The following ADAM22 variants were observed in gnomAD, a reference collection of about 807,000 sequenced individuals.
ADAM22 encodes the protein ADAM metallopeptidase domain 22, also known as disintegrin and metalloproteinase domain-containing protein 22.
ADAM22 carries 65 observed loss-of-function variants against 144.6 expected under a neutral mutation model. The observed-to-expected ratio is 0.45, with a 90% CI of 0.37 to 0.55. The LOEUF (loss-of-function observed/expected upper bound fraction) is 0.55, where lower values mean the gene tolerates loss of function less well. Among genes scored for constraint, ADAM22 ranks in the 20% least tolerant of loss-of-function variants. ADAM22 has a pLI of 0.00. For synonymous variants in ADAM22, 391 were observed against 412.6 expected (o/e 0.95, Z 0.63); for missense variants, 974 against 1,184.9 (o/e 0.82, Z 2.61).
chr7:88,133,038 C>A (rs1832176785), intron 12 of ADAM22, 87 bp downstream of exon 12: 1 of 1,197,072 alleles, frequency 8.4e-7, no homozygotes, highest in African/African-American at 1.5e-5. Context: ...TCAGTATTCA[C>A]ATACTCCAGA....
At chr7:88,010,047 TA>T (rs1279047889) in intron 3 of ADAM22, among the ~76,000 whole-genome samples, 1 of 151,644 alleles carries the variant, frequency 6.6e-6, no homozygotes, top group African/African-American at 2.4e-5. Context: ...TTTTCAAATA[TA>T]AATAGAACCA....
intron 5 of ADAM22, among the ~76,000 whole-genome samples, 179 bp from the exon 6 acceptor site, chr7:88,114,405 A>G (rs557481757): frequency 1.3e-5 from 2 of 152,212 alleles, no homozygotes; most frequent in East Asian, 3.9e-4. Flanking sequence ...CCTATAAGGA[A>G]TCAGAAGGAG....
chr7:88,001,926 C>T (rs1792656373), intron 3 of ADAM22, among the ~76,000 whole-genome samples: 1 of 151,882 alleles, frequency 6.6e-6, no homozygotes, highest in Non-Finnish European at 1.5e-5. Flanking sequence ...TTACTAGTTA[C>T]ATAACCATGG....
intron 2 of ADAM22, among the ~76,000 whole-genome samples, chr7:87,952,312 T>C (rs1374743812): frequency 6.6e-6 from 1 of 151,824 alleles, no homozygotes; most frequent in African/African-American, 2.4e-5. Context: ...TTGAGATACG[T>C]CCCATCAATA....
In ADAM22 at chr7:87,935,014, T is replaced by C. The variant is rs142817572; in HGVS notation, c.86-12T>C. On this transcript the variant is annotated splice_polypyrimidine_tract_variant and intron_variant, in intron 1 of 31. Coordinates refer to ENST00000413139, the MANE Select transcript of ADAM22 (RefSeq NM_001324418.2). The stretch of plus-strand genomic sequence containing the variant: ...TCTCTCCACTCCCTCCTTTCCCGGT[T>C]CCTGCCTGGAGGAGACGCCTCATTG... The C allele has an allele frequency of 3.6e-4, 589 of 1,614,138 alleles. 3 individuals are homozygous for C. The African/African-American group carries it at 7.1e-3, about 19-fold the overall frequency.
At chr7:87,972,835 A>G (rs1850807873) in intron 2 of ADAM22, among the ~76,000 whole-genome samples, 1 of 152,212 alleles carries the variant, frequency 6.6e-6, no homozygotes, top group Admixed American at 6.5e-5. Flanking sequence ...AAAAACCAGC[A>G]ATGGGGAAAG....
At chr7:88,017,775 G>GTGTGTGTGTATATATATATA (rs1796869119) in intron 3 of ADAM22, among the ~76,000 whole-genome samples, 2 of 145,886 alleles carry the variant, frequency 1.4e-5, no homozygotes, top group Non-Finnish European at 2.9e-5. Context: ...GCAAGCATAT[G>GTGTGTGTGTATATATATATA]TGTGTGTGTA....
At chr7:88,063,241 T>C (rs1044214485) in intron 3 of ADAM22, among the ~76,000 whole-genome samples, 2 of 152,108 alleles carry the variant, frequency 1.3e-5, no homozygotes, top group African/African-American at 4.8e-5. Context: ...TTCAAAGAGA[T>C]AACTACTGCA....
intron 9 of ADAM22, 118 bp downstream of exon 9, chr7:88,128,794 A>C (rs897776193): frequency 4.4e-6 from 3 of 681,558 alleles, no homozygotes; most frequent in Admixed American, 3.1e-5. Flanking sequence ...AGGTATTTGT[A>C]TAATCAAATA....
chr7:88,011,744 C>T (rs113786516), intron 3 of ADAM22, among the ~76,000 whole-genome samples: 5 of 151,438 alleles, frequency 3.3e-5, no homozygotes, highest in African/African-American at 1.2e-4. Context: ...GCCCCCCACC[C>T]CCCAACCTTT....
intron 2 of ADAM22, among the ~76,000 whole-genome samples, chr7:87,954,194 G>A (rs946065305): frequency 1.3e-5 from 2 of 151,304 alleles, no homozygotes; most frequent in Non-Finnish European, 1.5e-5. Context: ...TATGATGTTA[G>A]CTGGTTATTT....
At chr7:87,956,162 C>G (rs1046841951) in intron 2 of ADAM22, among the ~76,000 whole-genome samples, 2 of 152,118 alleles carry the variant, frequency 1.3e-5, no homozygotes, top group African/African-American at 4.8e-5. Flanking sequence ...CTGGCACTCC[C>G]TAGTGAGATG....
intron 23 of ADAM22, 46 bp downstream of exon 23, chr7:88,163,226 G>A: frequency 6.8e-7 from 1 of 1,479,590 alleles, no homozygotes; most frequent in Non-Finnish European, 9.1e-7. Context: ...TTATATCACA[G>A]AAATAGACAG....
chr7:88,015,241 T>C (rs1380778958), intron 3 of ADAM22, among the ~76,000 whole-genome samples: 1 of 152,218 alleles, frequency 6.6e-6, no homozygotes, highest in Non-Finnish European at 1.5e-5. Flanking sequence ...ATAAGTGTTA[T>C]CTGTTGATTG....
At chr7:88,193,331 C>T (rs1053497614) in intron 31 of ADAM22, 92 bp downstream of exon 31, 13 of 1,379,170 alleles carry the variant, frequency 9.4e-6, no homozygotes, top group Non-Finnish European at 1.2e-5. Flanking sequence ...ATTTTTCCTC[C>T]CTTGTTCCTA....
rs1163718068 is a variant in ADAM22 at position 87,944,272 on chromosome 7, GGCTGGTACACACAATTT to G, written c.246+9105_246+9121del. 3.1e-3 allele frequency among the ~76,000 whole-genome samples: 466 copies of G among 152,072 alleles called. 3 individuals carry two copies. Among genetic ancestry groups the G allele is most frequent in the African/African-American group, 0.01 (433 of 41,436 alleles). On this transcript the variant is annotated intron_variant, in intron 2 of 31. Coordinates refer to ENST00000413139, the MANE Select transcript of ADAM22 (RefSeq NM_001324418.2). ...GATGAGGTTAGGATGTTGGGGGTCA[GGCTGGTACACACAATTT>G]GCTGGTACACACAATTTGGTCATTG...
At chr7:88,051,416 C>G (rs1028813824) in intron 3 of ADAM22, among the ~76,000 whole-genome samples, 1 of 152,098 alleles carries the variant, frequency 6.6e-6, no homozygotes, top group Non-Finnish European at 1.5e-5. Flanking sequence ...ATGGATGAAG[C>G]TGGAAACCAT....
At chr7:88,072,292 T>A (rs928113400) in intron 3 of ADAM22, among the ~76,000 whole-genome samples, 2 of 152,192 alleles carry the variant, frequency 1.3e-5, no homozygotes, top group African/African-American at 2.4e-5. Flanking sequence ...ATTCGTGCAG[T>A]GACTCATATT....
At chr7:88,133,798 A>G (rs2041009) in intron 12 of ADAM22, among the ~76,000 whole-genome samples, 17,818 of 152,250 alleles carry the variant, frequency 0.12, 1,834 homozygotes, top group East Asian at 0.48. Context: ...CATTTTTAAG[A>G]GGCTGCAAAT....
Sources: allele counts gnomAD v4.1 joint callset (sites outside exome capture counted in the v4.1 genomes callset), GRCh38; gene constraint gnomAD v4.1.1; transcripts MANE v1.5; gene names NCBI Gene and HGNC (gene_info 2026-07-23, HGNC 2026-07-21).